FRY: variants seen among roughly 807,000 people sequenced by gnomAD.
FRY encodes FRY microtubule binding protein, also known as protein furry homolog.
A neutral mutation model predicts 348.4 loss-of-function variants in FRY; 128 were observed. The observed-to-expected ratio is 0.37, with a 90% CI of 0.32 to 0.43. The LOEUF is 0.43. Among genes scored for constraint, FRY ranks in the 20% least tolerant of loss-of-function variants. FRY has a pLI of 1.00. For synonymous variants in FRY, 1,370 were observed against 1,374.7 expected, an observed-to-expected ratio of 1.00 and a Z score of 0.08; for missense variants, 2,736 against 3,695.2, an observed-to-expected ratio of 0.74 and a Z score of 6.73.
chr13:32,178,413 G>A lies in FRY; in HGVS notation c.2658G>A (p.Ser886=), dbSNP rs1304562985. 9.3e-6 allele frequency: 15 copies of A among 1,614,090 alleles called. No homozygotes were observed. The highest frequency in any genetic ancestry group is 1.7e-5 in the Admixed American group (1 of 60,024). Residue 886 remains serine (S), a synonymous_variant, in exon 21 of 61, where the codon TCG becomes TCA. Transcript: ENST00000542859. The stretch of plus-strand genomic sequence containing the variant: ...CTTATGCCTTCACTCGGCTCCAGTC[G>A]GTGATGCCTCTGGTGGACCCAAAGT... ...AWPYAFTRLQ[S]VMPLVDPNSP...
chr13:32,056,277 C>T (rs1032355143), intron 1 of FRY, among the ~76,000 whole-genome samples: 86 of 151,606 alleles, frequency 5.7e-4, no homozygotes, highest in African/African-American at 2.1e-3. Flanking sequence ...TGTATAGGTT[C>T]ACACAGTCTG....
intron 17 of FRY, among the ~76,000 whole-genome samples, chr13:32,170,473 G>A (rs544022317): frequency 3.9e-5 from 6 of 152,210 alleles, no homozygotes; most frequent in South Asian, 2.1e-4. Flanking sequence ...ACGCTATATC[G>A]GAAAACTCTG....
At chr13:32,166,463 A>G (rs1436453464) in intron 17 of FRY, among the ~76,000 whole-genome samples, 1 of 152,222 alleles carries the variant, frequency 6.6e-6, no homozygotes, top group African/African-American at 2.4e-5. Context: ...GCTCTACGCT[A>G]CTTTCCTGAG....
intron 4 of FRY, among the ~76,000 whole-genome samples, chr13:32,123,011 C>T (rs552198102): frequency 3.7e-4 from 57 of 152,216 alleles, no homozygotes; most frequent in Non-Finnish European, 7.6e-4. Flanking sequence ...ACAAGGAAAA[C>T]TACAAAACAC....
intron 31 of FRY, among the ~76,000 whole-genome samples, chr13:32,205,882 T>C (rs1466482113): frequency 6.6e-6 from 1 of 151,726 alleles, no homozygotes; most frequent in Non-Finnish European, 1.5e-5. Context: ...GATAAGGGCC[T>C]GAACAAAGAC....
chr13:32,239,932 G>A lies in FRY; in HGVS notation c.6687+51G>A, dbSNP rs767597102. On this transcript the variant is annotated intron_variant, in intron 46 of 60. Transcript: ENST00000542859. The surrounding 1 kb of genome is among the most constrained non-coding windows in gnomAD (Gnocchi z 4.3). ...AGACAGGGTCTCATTATGTTGCCCAGGCTGATCTCAACTCTTGGGCTCAAG... is the reference window on the plus strand; with the variant it reads ...AGACAGGGTCTCATTATGTTGCCCAAGCTGATCTCAACTCTTGGGCTCAAG... The A allele has an allele frequency of 2.0e-6, 3 of 1,517,868 alleles. No individual in the cohort carries two copies. In the South Asian group the frequency reaches 3.4e-5, roughly 17 times the overall value. The allele number at this position is 1,517,868 out of a possible 1,614,324, so 94.0% of individuals were successfully genotyped here.
At chr13:32,155,721 A>G (rs1237341254) in intron 15 of FRY, 59 bp downstream of exon 15, 1 of 1,187,896 alleles carries the variant, frequency 8.4e-7, no homozygotes, top group Non-Finnish European at 1.2e-6. Flanking sequence ...TGACCAGTAG[A>G]TATTTATCTT....
intron 58 of FRY, 102 bp downstream of exon 58, chr13:32,278,650 A>G (rs576190123): frequency 7.7e-6 from 6 of 775,332 alleles, no homozygotes; most frequent in African/African-American, 3.4e-5. Flanking sequence ...AAGAGGCGGA[A>G]TGAGTCACCC....
chr13:32,112,326 C>T (rs189722421), intron 3 of FRY, among the ~76,000 whole-genome samples: 2 of 152,082 alleles, frequency 1.3e-5, no homozygotes, highest in East Asian at 1.9e-4. Flanking sequence ...ATGTGCCCCA[C>T]GTTTTATAGC....
intron 11 of FRY, among the ~76,000 whole-genome samples, chr13:32,145,734 C>T (rs1593665227): frequency 6.6e-6 from 1 of 150,946 alleles, no homozygotes; most frequent in African/African-American, 2.4e-5. Context: ...TTAGTAGAGA[C>T]GGGGTTTCAC....
intron 14 of FRY, among the ~76,000 whole-genome samples, chr13:32,153,018 T>G (rs181686576): frequency 6.6e-6 from 1 of 152,232 alleles, no homozygotes; most frequent in East Asian, 1.9e-4. Flanking sequence ...ACCTCATTAG[T>G]CATTAAGGAA....
intron 2 of FRY, among the ~76,000 whole-genome samples, chr13:32,083,910 T>C (rs1875675333): frequency 6.6e-6 from 1 of 152,120 alleles, no homozygotes; most frequent in Admixed American, 6.6e-5. Flanking sequence ...CAGTTGACAA[T>C]AAAGAAAGCC....
chr13:32,124,259 T>TTAA (rs758547441), intron 4 of FRY, 27 bp from the exon 5 acceptor site: 1 of 1,329,984 alleles, frequency 7.5e-7, no homozygotes, highest in Non-Finnish European at 1.1e-6. Flanking sequence ...TCAGTGTGCT[T>TTAA]TAATGTAAAT....
chr13:32,099,233 A>G (rs1876985264), intron 2 of FRY, among the ~76,000 whole-genome samples: 1 of 151,992 alleles, frequency 6.6e-6, no homozygotes, highest in South Asian at 2.1e-4. Flanking sequence ...TTGGATCAGA[A>G]TGAACTTCCA....
At chr13:32,182,912 A>C (rs933010957) in intron 23 of FRY, 65 bp from the exon 24 acceptor site, 1 of 952,150 alleles carries the variant, frequency 1.1e-6, no homozygotes, top group African/African-American at 1.6e-5. Flanking sequence ...ATGGATATAG[A>C]GTATTTAGTG....
chr13:32,074,321 G>C (rs138284877), intron 1 of FRY, among the ~76,000 whole-genome samples: 16 of 152,082 alleles, frequency 1.1e-4, no homozygotes, highest in African/African-American at 3.4e-4. Context: ...AGGCAATGGA[G>C]AAAAAAATTA....
chr13:32,062,214 A>G (rs1430760183), intron 1 of FRY, among the ~76,000 whole-genome samples: 27 of 151,820 alleles, frequency 1.8e-4, no homozygotes, highest in Non-Finnish European at 1.5e-5. Context: ...TATAACAAGC[A>G]TACAAGATAA....
At chr13:32,269,247 C>T (rs1408661378) in intron 55 of FRY, among the ~76,000 whole-genome samples, 1 of 152,198 alleles carries the variant, frequency 6.6e-6, no homozygotes, top group Non-Finnish European at 1.5e-5. Flanking sequence ...ATAGGTAAAT[C>T]TGCCTTAAAA....
chr13:32,271,524 C>A (rs1357629816), intron 55 of FRY, among the ~76,000 whole-genome samples: 2 of 152,184 alleles, frequency 1.3e-5, no homozygotes, highest in African/African-American at 4.8e-5. Flanking sequence ...TGGTGACAGT[C>A]CAGAAGTGAC....
Sources: allele counts gnomAD v4.1 joint callset (sites outside exome capture counted in the v4.1 genomes callset), GRCh38; gene constraint gnomAD v4.1.1; non-coding constraint Gnocchi (gnomAD v3.1); transcripts MANE v1.5; gene names NCBI Gene and HGNC (gene_info 2026-07-23, HGNC 2026-07-21).